SLC2A13: variants seen among roughly 807,000 people sequenced by gnomAD.
SLC2A13 encodes solute carrier family 2 member 13, also known as proton myo-inositol cotransporter.
SLC2A13 carries 32 observed loss-of-function variants against 64.4 expected under a neutral mutation model. The observed-to-expected ratio is 0.50, with a 90% CI of 0.37 to 0.67. The LOEUF is 0.67. SLC2A13 is among the 30% of genes least tolerant of loss of function. SLC2A13 has a pLI of 0.00. For missense variants in SLC2A13, 743 were observed against 829.2 expected (o/e 0.90, Z 1.28); for synonymous variants, 338 against 327.1 (o/e 1.03, Z -0.36).
rs1435499720 is a variant in SLC2A13, at chr12:39,757,347, A to G, written c.*2679T>C. On this transcript the variant is annotated 3_prime_UTR_variant, in exon 10 of 10. Transcript: ENST00000280871. ...TCACATCATATATAAATTGTCCTAC[A>G]AAATATATATTTGATGATACTACAA... The G allele has an allele frequency of 1.3e-5, 2 of 151,886 alleles. No individual in the cohort carries two copies. Among genetic ancestry groups the G allele is most frequent in the African/African-American group, 4.8e-5 (2 of 41,426 alleles). 9.4% of individuals were successfully genotyped at this position (151,886 alleles called of 1,614,324 possible).
At chr12:39,965,430 G>A (rs2136120715) in intron 3 of SLC2A13, among the ~76,000 whole-genome samples, 1 of 152,212 alleles carries the variant, frequency 6.6e-6, no homozygotes, top group East Asian at 1.9e-4. Context: ...AAACTGAAGA[G>A]TACAAAATGA....
intron 3 of SLC2A13, among the ~76,000 whole-genome samples, chr12:39,989,472 T>C (rs997718747): frequency 6.6e-5 from 10 of 152,312 alleles, no homozygotes; most frequent in Non-Finnish European, 1.5e-4. Context: ...CAGGCTTCCT[T>C]TCATTCATCA....
intron 2 of SLC2A13, among the ~76,000 whole-genome samples, chr12:40,028,874 G>T (rs915031544): frequency 6.6e-6 from 1 of 152,096 alleles, no homozygotes; most frequent in Non-Finnish European, 1.5e-5. Context: ...AATATAAAAT[G>T]GGGCTACGAT....
chr12:39,836,456 C>G (rs1943007149), intron 6 of SLC2A13, among the ~76,000 whole-genome samples: 2 of 151,990 alleles, frequency 1.3e-5, no homozygotes, highest in African/African-American at 4.8e-5. Flanking sequence ...TCTCACCACT[C>G]CTATTCAACA....
intron 4 of SLC2A13, among the ~76,000 whole-genome samples, chr12:39,902,412 A>C (rs1356263360): frequency 6.6e-6 from 1 of 152,236 alleles, no homozygotes; most frequent in Admixed American, 6.5e-5. Flanking sequence ...AACTATTTTT[A>C]AACTTGAAAT....
intron 7 of SLC2A13, among the ~76,000 whole-genome samples, chr12:39,818,929 A>T (rs1033184067): frequency 6.6e-6 from 1 of 152,146 alleles, no homozygotes; most frequent in Non-Finnish European, 1.5e-5. Context: ...CTGTTTCCTA[A>T]GCCAATTAAT....
intron 4 of SLC2A13, among the ~76,000 whole-genome samples, chr12:39,936,283 G>A (rs1945916008): frequency 6.6e-6 from 1 of 152,158 alleles, no homozygotes; most frequent in African/African-American, 2.4e-5. Flanking sequence ...ATTAAGAATT[G>A]TGACAATTCC....
intron 4 of SLC2A13, among the ~76,000 whole-genome samples, chr12:39,880,023 CT>C (rs1457848153): frequency 4.6e-5 from 7 of 152,126 alleles, no homozygotes; most frequent in African/African-American, 1.7e-4. Flanking sequence ...TCATTTAAAA[CT>C]GTGTGGCACC....
At chr12:40,062,955 T>C (rs1266864636) in intron 1 of SLC2A13, among the ~76,000 whole-genome samples, 2 of 152,150 alleles carry the variant, frequency 1.3e-5, no homozygotes, top group African/African-American at 4.8e-5. Context: ...AATACCATTT[T>C]TCTGGTATCT....
intron 3 of SLC2A13, among the ~76,000 whole-genome samples, chr12:39,958,112 T>C (rs1438348951): frequency 2.6e-5 from 4 of 152,234 alleles, no homozygotes; most frequent in African/African-American, 7.2e-5. Context: ...TCAAGATTCA[T>C]GGCTTTTGAG....
At chr12:39,857,211 C>T (rs1053152990) in intron 6 of SLC2A13, among the ~76,000 whole-genome samples, 11 of 152,032 alleles carry the variant, frequency 7.2e-5, no homozygotes, top group East Asian at 3.9e-4. Context: ...CTTTTAAGTT[C>T]AAGAAGGAAT....
chr12:39,898,665 T>C (rs920922898), intron 4 of SLC2A13, among the ~76,000 whole-genome samples: 15 of 152,138 alleles, frequency 9.9e-5, no homozygotes, highest in Non-Finnish European at 8.8e-5. Flanking sequence ...ATACAAGGCA[T>C]TGAGACCTTA....
chr12:40,031,676 G>A (rs78796480), intron 2 of SLC2A13, among the ~76,000 whole-genome samples: 1,900 of 152,294 alleles, frequency 0.012, 25 homozygotes, highest in Non-Finnish European at 0.016. Context: ...ACTGTAACGT[G>A]TTTGTTCTGG....
rs995184764 is a variant in SLC2A13 at position 39,755,585 on chromosome 12, G to A, written c.*4441C>T. 6.6e-6 allele frequency: 1 copy of A among 151,946 alleles called. No homozygotes were observed. The highest frequency in any genetic ancestry group is 2.4e-5 in the African/African-American group (1 of 41,380). The allele number at this position is 151,946 out of a possible 1,614,324, so 9.4% of individuals were successfully genotyped here. On this transcript the variant is annotated 3_prime_UTR_variant, in exon 10 of 10. Coordinates refer to ENST00000280871, the MANE Select transcript of SLC2A13 (RefSeq NM_052885.4). ...TTCTTTTTTAACCTTTAAATGAGAT[G>A]GAATAATGTTGTTTGCTAAAACTTT...
chr12:40,104,770 T>G (rs1939248613), intron 1 of SLC2A13, among the ~76,000 whole-genome samples: 1 of 152,132 alleles, frequency 6.6e-6, no homozygotes, highest in South Asian at 2.1e-4. Flanking sequence ...ATTACTTAAC[T>G]CTAAATATTA....
At chr12:39,946,166 G>A (rs1946129531) in intron 4 of SLC2A13, among the ~76,000 whole-genome samples, 1 of 152,154 alleles carries the variant, frequency 6.6e-6, no homozygotes, top group Admixed American at 6.5e-5. Context: ...CTGGCTCCAG[G>A]CTGGTATTGC....
At chr12:40,093,650 A>G (rs1565624822) in intron 1 of SLC2A13, among the ~76,000 whole-genome samples, 1 of 152,176 alleles carries the variant, frequency 6.6e-6, no homozygotes, top group African/African-American at 2.4e-5. Flanking sequence ...GAGGAAACAC[A>G]AGAGAGAAAG....
intron 7 of SLC2A13, among the ~76,000 whole-genome samples, chr12:39,826,854 A>ATTTTTTTTTTTTTTTTTTTTT (rs63699664): frequency 1.2e-4 from 8 of 67,388 alleles, no homozygotes; most frequent in African/African-American, 1.4e-4. Flanking sequence ...GTCTCTTTCA[A>ATTTTTTTTTTTTTTTTTTTTT]TTTTTTTTTT....
At chr12:39,910,899 A>T (rs1337566156) in intron 4 of SLC2A13, among the ~76,000 whole-genome samples, 1 of 152,058 alleles carries the variant, frequency 6.6e-6, no homozygotes, top group Non-Finnish European at 1.5e-5. Context: ...CCTGACCAAT[A>T]TGGTGAAACC....
Sources: allele counts gnomAD v4.1 joint callset (sites outside exome capture counted in the v4.1 genomes callset), GRCh38; gene constraint gnomAD v4.1.1; transcripts MANE v1.5; gene names NCBI Gene and HGNC (gene_info 2026-07-23, HGNC 2026-07-21).